The following NME9 variants were observed in gnomAD, a reference collection of about 807,000 sequenced individuals.
NME9 encodes the protein thioredoxin domain-containing protein 6.
A neutral mutation model predicts 44.4 loss-of-function variants in NME9; 48 were observed. That is an observed-to-expected ratio of 1.08 (90% CI 0.86 to 1.37). The LOEUF (loss-of-function observed/expected upper bound fraction) is 1.37. Ranked by LOEUF, NME9 falls within the 40% of genes most tolerant of loss-of-function variation. The pLI is 0.00. For synonymous variants in NME9, 139 were observed against 147.1 expected (o/e 0.94, Z 0.40); for missense variants, 325 against 405.2 (o/e 0.80, Z 1.70).
rs774265483 is a variant in NME9 at position 138,318,265 on chromosome 3, A to G, written c.196-46T>C. On this transcript the variant is annotated intron_variant, in intron 3 of 10. Coordinates refer to ENST00000333911, the MANE Select transcript of NME9 (RefSeq NM_001349018.2). ...CAGGTACCCTGGATGCAGGGGGTGCAGGGCCCAATTGATTGGTGGGAAACC... is the reference window on the plus strand; with the variant it reads ...CAGGTACCCTGGATGCAGGGGGTGCGGGGCCCAATTGATTGGTGGGAAACC... 3.5e-5 allele frequency: 44 copies of G among 1,262,164 alleles called. No homozygotes were observed. The South Asian group carries it at 3.7e-4, about 11-fold the overall frequency. The allele number at this position is 1,262,164 out of a possible 1,614,324, so 78.2% of individuals were successfully genotyped here. A position where few individuals can be genotyped will look rare whatever the true frequency, so the allele number is the denominator to read the frequency against.
intron 8 of NME9, among the ~76,000 whole-genome samples, chr3:138,268,167 C>T (rs370918265): frequency 4.6e-5 from 7 of 151,988 alleles, no homozygotes; most frequent in African/African-American, 1.2e-4. Flanking sequence ...CACTTGAACC[C>T]GGGAGGCAAA....
intron 8 of NME9, chr3:138,267,082 T>C: frequency 2.5e-6 from 2 of 788,950 alleles, no homozygotes; most frequent in Non-Finnish European, 4.0e-6. Flanking sequence ...TTTTTATTTA[T>C]ATTTTATATC....
chr3:138,319,370 T>C (rs187678641), intron 3 of NME9, 108 bp downstream of exon 3: 2 of 661,970 alleles, frequency 3.0e-6, no homozygotes, highest in East Asian at 5.4e-5. Context: ...CTGATTCCTT[T>C]TTAATGACCT....
intron 2 of NME9, among the ~76,000 whole-genome samples, chr3:138,323,268 T>A (rs892576894): frequency 2.0e-5 from 3 of 152,120 alleles, no homozygotes; most frequent in African/African-American, 7.2e-5. Flanking sequence ...ATACAAAAAT[T>A]AGCTGGGTGT....
intron 8 of NME9, among the ~76,000 whole-genome samples, chr3:138,270,332 C>T (rs139572742): frequency 2.0e-5 from 3 of 152,152 alleles, no homozygotes; most frequent in Non-Finnish European, 4.4e-5. Context: ...GTTATGCCTC[C>T]GTTCTCTTAT....
intron 6 of NME9, among the ~76,000 whole-genome samples, chr3:138,307,441 C>T (rs1394370799): frequency 6.6e-6 from 1 of 152,198 alleles, no homozygotes; most frequent in Non-Finnish European, 1.5e-5. Flanking sequence ...TTTTGTTTCT[C>T]AGCTTTTACA....
chr3:138,278,768 G>A (rs2049567076), intron 8 of NME9, among the ~76,000 whole-genome samples: 1 of 151,968 alleles, frequency 6.6e-6, no homozygotes, highest in African/African-American at 2.4e-5. Flanking sequence ...TATAGGTCTT[G>A]CACTCTTGGT....
chr3:138,261,617 A>G (rs1289882444), exon 9 of NME9: 1 of 152,230 alleles, frequency 6.6e-6, no homozygotes, highest in African/African-American at 2.4e-5. Context: ...TATTGTATAT[A>G]TGCCCATTTA....
At chr3:138,270,918 G>A (rs1036074932) in intron 8 of NME9, among the ~76,000 whole-genome samples, 2 of 152,112 alleles carry the variant, frequency 1.3e-5, no homozygotes, top group Admixed American at 6.5e-5. Flanking sequence ...CTCTGTACCA[G>A]ACACTAAGCT....
chr3:138,295,928 T>G (rs2051446233), intron 8 of NME9: 1 of 1,610,148 alleles, frequency 6.2e-7, no homozygotes, highest in Admixed American at 1.7e-5. Flanking sequence ...GCATCCCACC[T>G]CCTTGTTTAA....
At chr3:138,292,178 C>T (rs1272685049) in intron 8 of NME9, among the ~76,000 whole-genome samples, 1 of 152,180 alleles carries the variant, frequency 6.6e-6, no homozygotes, top group Non-Finnish European at 1.5e-5. Flanking sequence ...GCTGGGATTA[C>T]AGGCGCCTGC....
intron 8 of NME9, chr3:138,274,636 G>A: frequency 1.1e-6 from 1 of 915,166 alleles, no homozygotes; most frequent in Non-Finnish European, 1.7e-6. Flanking sequence ...ATCTGCAGAA[G>A]ACAGAGTGCT....
chr3:138,269,605 C>T (rs1044690203), intron 8 of NME9, among the ~76,000 whole-genome samples: 1 of 152,100 alleles, frequency 6.6e-6, no homozygotes, highest in Non-Finnish European at 1.5e-5. Flanking sequence ...CTTTCCTTTA[C>T]CAACCATATT....
At chr3:138,276,428 C>T (rs923955938) in intron 8 of NME9, among the ~76,000 whole-genome samples, 3 of 152,088 alleles carry the variant, frequency 2.0e-5, no homozygotes, top group Non-Finnish European at 4.4e-5. Context: ...TCCATTTGTA[C>T]CACTCCTGTT....
Position 138,301,628 on chromosome 3 carries a change from A to G in NME9, c.*12T>C. 1 of 1,536,152 alleles carries G rather than the reference A, an allele frequency of 6.5e-7. No homozygotes were observed. Among genetic ancestry groups the G allele is most frequent in the African/African-American group, 1.4e-5 (1 of 73,178 alleles). ...CCCTGGTCACGTGCTCTGGAAGAGC[A>G]GCACAGCCATCTCAATCCACATCCT... On this transcript the variant is annotated 3_prime_UTR_variant, in exon 11 of 11. Coordinates refer to ENST00000333911, the MANE Select transcript of NME9 (RefSeq NM_001349018.2).
intron 8 of NME9, among the ~76,000 whole-genome samples, chr3:138,282,720 G>C (rs569374379): frequency 6.6e-6 from 1 of 151,434 alleles, no homozygotes; most frequent in Non-Finnish European, 1.5e-5. Flanking sequence ...TATAGGGAAA[G>C]CAACGATAAT....
At chr3:138,278,398 G>C (rs1020610140) in intron 8 of NME9, among the ~76,000 whole-genome samples, 1 of 151,994 alleles carries the variant, frequency 6.6e-6, no homozygotes, top group Non-Finnish European at 1.5e-5. Context: ...CAGCTACTCG[G>C]GAGGCTGAGG....
At chr3:138,263,212 T>G (rs535305961) in intron 8 of NME9, among the ~76,000 whole-genome samples, 1 of 152,396 alleles carries the variant, frequency 6.6e-6, no homozygotes, top group South Asian at 2.1e-4. Flanking sequence ...GCTTCATGAT[T>G]ATAGTGATTA....
chr3:138,264,113 T>C, intron 8 of NME9: 5 of 1,603,502 alleles, frequency 3.1e-6, no homozygotes, highest in Non-Finnish European at 3.4e-6. Flanking sequence ...TGAAGCTAAT[T>C]TTGATTATTC....
Sources: gnomAD v4.1 joint callset for allele counts (sites outside exome capture counted in the v4.1 genomes callset) on GRCh38, gnomAD v4.1.1 for gene constraint, MANE v1.5 for transcripts, NCBI Gene and HGNC (gene_info 2026-07-23, HGNC 2026-07-21) for gene names.